Variants in DENND5B observed in about 807,000 individuals in gnomAD.
DENND5B encodes the protein DENN domain containing 5B.
In DENND5B, 34 loss-of-function variants were observed where a neutral mutation model predicts 140.6. The observed-to-expected ratio is 0.24, with a 90% CI of 0.18 to 0.32. DENND5B has a LOEUF of 0.32. Ranked by LOEUF, DENND5B falls within the 10% of genes least tolerant of loss-of-function variation. The pLI, the probability that DENND5B is intolerant of heterozygous loss-of-function variation, is 1.00. For synonymous variants in DENND5B, 551 were observed against 562.1 expected, an observed-to-expected ratio of 0.98 and a Z score of 0.28; for missense variants, 1,142 against 1,560.2, an observed-to-expected ratio of 0.73 and a Z score of 4.52.
At chr12:31,558,244 A>T (rs78089314) in intron 1 of DENND5B, among the ~76,000 whole-genome samples, 3,207 of 152,170 alleles carry the variant, frequency 0.021, 58 homozygotes, top group South Asian at 0.052. Flanking sequence ...TAATTTCCTT[A>T]TACATATATG....
intron 11 of DENND5B, among the ~76,000 whole-genome samples, chr12:31,420,654 G>A (rs1394596694): frequency 6.6e-6 from 1 of 152,104 alleles, no homozygotes; most frequent in Non-Finnish European, 1.5e-5. Flanking sequence ...ATGTTGGCCA[G>A]GCTGGTGTTG....
chr12:31,415,965 A>G (rs953239838), intron 11 of DENND5B, among the ~76,000 whole-genome samples: 1 of 152,012 alleles, frequency 6.6e-6, no homozygotes, highest in Non-Finnish European at 1.5e-5. Flanking sequence ...TCTCCCGAGT[A>G]GCTGGGATTA....
At position 31,386,762 on chromosome 12, in the gene DENND5B, G is replaced by C. The variant is rs762795041; in HGVS notation, c.*841C>G. On this transcript the variant is annotated 3_prime_UTR_variant, in exon 21 of 21. Coordinates refer to ENST00000389082, the MANE Select transcript of DENND5B (RefSeq NM_144973.4). The stretch of plus-strand genomic sequence containing the variant: ...ATTAAAAGTACAGAATCAAATTGCT[G>C]TTTGCAGTTCTTATCACTATGAATC... 1 of 152,166 alleles carries C rather than the reference G, an allele frequency of 6.6e-6. No individual in the cohort carries two copies. The highest frequency in any genetic ancestry group is 2.1e-4 in the South Asian group (1 of 4,826). The allele number at this position is 152,166 out of a possible 1,614,324, so 9.4% of individuals were successfully genotyped here.
chr12:31,434,824 A>G (rs1405365214), intron 7 of DENND5B, among the ~76,000 whole-genome samples: 1 of 152,082 alleles, frequency 6.6e-6, no homozygotes, highest in Non-Finnish European at 1.5e-5. Flanking sequence ...AGGACATCAC[A>G]CTAAATCAAA....
chr12:31,562,771 C>A (rs766466398), intron 1 of DENND5B, among the ~76,000 whole-genome samples: 1 of 152,158 alleles, frequency 6.6e-6, no homozygotes, highest in Non-Finnish European at 1.5e-5. Flanking sequence ...CCTTTCTAAT[C>A]TAAAAAAGCT....
At chr12:31,558,457 A>C (rs550614820) in intron 1 of DENND5B, among the ~76,000 whole-genome samples, 1 of 152,232 alleles carries the variant, frequency 6.6e-6, no homozygotes, top group Non-Finnish European at 1.5e-5. Flanking sequence ...TCCAGGGCTT[A>C]ACAGAAAAAT....
intron 1 of DENND5B, among the ~76,000 whole-genome samples, chr12:31,568,911 A>T (rs1275299250): frequency 6.6e-6 from 1 of 151,908 alleles, no homozygotes; most frequent in African/African-American, 2.4e-5. Flanking sequence ...GAAGTGGGCT[A>T]ATCTATATTC....
At position 31,479,827 on chromosome 12, in the gene DENND5B, G is replaced by C. The variant is rs1945986916; in HGVS notation, c.666C>G (p.Pro222=). The C allele has an allele frequency of 1.2e-6, 2 of 1,613,768 alleles. No individual in the cohort carries two copies. The highest frequency in any genetic ancestry group is 2.7e-5 in the African/African-American group (2 of 74,932). The change falls in exon 3 of 21, where the codon CCC becomes CCG. Residue 222 remains proline, a synonymous_variant. Transcript: ENST00000389082. ...YKAVTSQQPP[P]LPLESYIHNI... Reference sequence around the variant, plus strand: ...TGTGGATATAGCTTTCAAGTGGCAAGGGTGGTGGCTGCTGTGAGGTAACAG... The same window carrying C: ...TGTGGATATAGCTTTCAAGTGGCAACGGTGGTGGCTGCTGTGAGGTAACAG...
intron 13 of DENND5B, among the ~76,000 whole-genome samples, chr12:31,412,193 C>T (rs950607993): frequency 6.6e-6 from 1 of 152,116 alleles, no homozygotes; most frequent in Non-Finnish European, 1.5e-5. Context: ...AGTGATCTGC[C>T]CACCTTGGCC....
intron 4 of DENND5B, among the ~76,000 whole-genome samples, chr12:31,453,388 T>C (rs183772773): frequency 2.0e-5 from 3 of 152,298 alleles, no homozygotes; most frequent in Admixed American, 1.3e-4. Context: ...CAAGTAGATA[T>C]AGAAAATTCA....
rs1943164820 is a variant in DENND5B at position 31,424,831 on chromosome 12, A to T, written c.2239-144T>A. ...ATCACCTTGGGAAAAAAATCTCTTA[A>T]TCTTGATGTTCAACTAACTGGACTA... On this transcript the variant is annotated intron_variant, in intron 9 of 20. Transcript: ENST00000389082. 4 of 1,059,840 alleles carry T rather than the reference A, an allele frequency of 3.8e-6. No individual in the cohort carries two copies. In the South Asian group the frequency reaches 6.4e-5, roughly 17 times the overall value. 65.7% of individuals were successfully genotyped at this position (1,059,840 alleles called of 1,614,324 possible).
intron 1 of DENND5B, among the ~76,000 whole-genome samples, chr12:31,579,469 T>G (rs1950136038): frequency 1.3e-5 from 2 of 152,034 alleles, no homozygotes; most frequent in African/African-American, 4.8e-5. Flanking sequence ...GAAGCCAGCC[T>G]GGCCAACAAG....
At position 31,396,053 on chromosome 12, in the gene DENND5B, C is replaced by CCTGTTTTTT. The variant is rs1399702795; in HGVS notation, c.3256+2121_3256+2122insAAAAAACAG. On this transcript the variant is annotated intron_variant, in intron 17 of 20. Coordinates refer to ENST00000389082, the MANE Select transcript of DENND5B (RefSeq NM_144973.4). The stretch of plus-strand genomic sequence containing the variant: ...TAGCTTCTGGTGGCTGTTGGCATTC[C>CCTGTTTTTT]TTGTTTTTTTTTTTTTTTTTTTTTT... Among the ~76,000 whole-genome samples, 15 of 102,844 alleles carry CCTGTTTTTT rather than the reference C, an allele frequency of 1.5e-4. 1 individual carries two copies. Among genetic ancestry groups the CCTGTTTTTT allele is most frequent in the East Asian group, 3.2e-4 (1 of 3,156 alleles). The allele number at this position is 102,844 out of a possible 152,430, so 67.5% of individuals were successfully genotyped here.
At chr12:31,490,508 G>A (rs1294362690) in intron 2 of DENND5B, among the ~76,000 whole-genome samples, 14 of 151,900 alleles carry the variant, frequency 9.2e-5, no homozygotes, top group Admixed American at 9.2e-4. Flanking sequence ...GCTACTTGGG[G>A]GGCTGAGGTG....
intron 3 of DENND5B, chr12:31,477,985 T>TA (rs898788412): frequency 1.4e-5 from 3 of 215,066 alleles, no homozygotes; most frequent in African/African-American, 2.3e-5. Flanking sequence ...AATTAACTCC[T>TA]AATGCCCAAG....
chr12:31,430,957 G>C lies in DENND5B; in HGVS notation c.2106+2198C>G, dbSNP rs550899158. Reference sequence around the variant, plus strand: ...AGAAGGGAGGCTGCCTCTGCAAATTGCAAAAACAGAGCAACTGCCTTTAAA... The same window carrying C: ...AGAAGGGAGGCTGCCTCTGCAAATTCCAAAAACAGAGCAACTGCCTTTAAA... On this transcript the variant is annotated intron_variant, in intron 8 of 20. Transcript: ENST00000389082. 3.9e-5 allele frequency among the ~76,000 whole-genome samples: 6 copies of C among 152,226 alleles called. 1 individual carries two copies. The South Asian group carries it at 1.2e-3, about 32-fold the overall frequency.
intron 1 of DENND5B, among the ~76,000 whole-genome samples, chr12:31,528,362 G>C (rs1457848224): frequency 6.6e-6 from 1 of 152,150 alleles, no homozygotes; most frequent in Non-Finnish European, 1.5e-5. Flanking sequence ...CTCTAGAAGG[G>C]TGCATGTGAT....
At chr12:31,568,290 T>C (rs909733862) in intron 1 of DENND5B, among the ~76,000 whole-genome samples, 3 of 152,180 alleles carry the variant, frequency 2.0e-5, no homozygotes, top group Non-Finnish European at 4.4e-5. Context: ...GAAATCTCAT[T>C]ATGTATATGC....
At chr12:31,519,916 A>G (rs762540911) in intron 1 of DENND5B, among the ~76,000 whole-genome samples, 54 of 152,252 alleles carry the variant, frequency 3.5e-4, no homozygotes, top group Non-Finnish European at 5.3e-4. Context: ...CATCACCCCA[A>G]AAAGAAACCC....
Sources: gnomAD v4.1 joint callset for allele counts (sites outside exome capture counted in the v4.1 genomes callset) on GRCh38, gnomAD v4.1.1 for gene constraint, MANE v1.5 for transcripts, NCBI Gene and HGNC (gene_info 2026-07-23, HGNC 2026-07-21) for gene names.